The following ATP2C2 variants were observed in gnomAD, a reference collection of about 807,000 sequenced individuals.
The protein encoded by ATP2C2 is ATPase secretory pathway Ca2+ transporting 2.
ATP2C2 carries 171 observed loss-of-function variants against 110.8 expected under a neutral mutation model. That is an observed-to-expected ratio of 1.54 (90% CI 1.36 to 1.75). The LOEUF (loss-of-function observed/expected upper bound fraction) is 1.75, where lower values mean the gene tolerates loss of function less well. Among genes scored for constraint, ATP2C2 ranks in the 40% most tolerant of loss-of-function variants. ATP2C2 has a pLI of 0.00. For missense variants in ATP2C2, 1,963 were observed against 1,235.0 expected (o/e 1.59, Z -8.84); for synonymous variants, 804 against 508.4 (o/e 1.58, Z -7.82).
chr16:84,397,697 G>C (rs1382673183), intron 1 of ATP2C2, among the ~76,000 whole-genome samples: 2 of 102,492 alleles, frequency 2.0e-5, no homozygotes, highest in East Asian at 2.8e-4. Context: ...AGATGCATCA[G>C]TATTAGCCAA....
intron 7 of ATP2C2, among the ~76,000 whole-genome samples, chr16:84,418,279 G>A (rs1907014090): frequency 6.6e-6 from 1 of 152,142 alleles, no homozygotes; most frequent in Non-Finnish European, 1.5e-5. Context: ...CTCCTTGGTG[G>A]CTATGGGTTC....
intron 5 of ATP2C2, 34 bp downstream of exon 5, chr16:84,410,637 C>G (rs375154871): frequency 1.2e-6 from 2 of 1,613,906 alleles, no homozygotes; most frequent in Admixed American, 1.7e-5. Context: ...TCAGGGTAAG[C>G]TGGGCGGGAC....
intron 21 of ATP2C2, among the ~76,000 whole-genome samples, chr16:84,456,255 T>C (rs1470764478): frequency 2.2e-5 from 3 of 133,506 alleles, no homozygotes; most frequent in Non-Finnish European, 4.9e-5. Flanking sequence ...ATCCATCTGG[T>C]CCTGGACTCT....
intron 11 of ATP2C2, among the ~76,000 whole-genome samples, chr16:84,430,855 T>C (rs1047210063): frequency 3.3e-5 from 5 of 151,958 alleles, no homozygotes; most frequent in African/African-American, 9.7e-5. Context: ...AGAGACAGAC[T>C]TCAAACCACT....
intron 1 of ATP2C2, among the ~76,000 whole-genome samples, chr16:84,397,525 A>T (rs1375645364): frequency 6.6e-6 from 1 of 151,468 alleles, no homozygotes; most frequent in Non-Finnish European, 1.5e-5. Context: ...ATATTAAAAA[A>T]TTAGCCAGGC....
chr16:84,384,966 T>C (rs1904300925), intron 1 of ATP2C2, among the ~76,000 whole-genome samples: 1 of 152,216 alleles, frequency 6.6e-6, no homozygotes, highest in African/African-American at 2.4e-5. Flanking sequence ...GGAGTATAGT[T>C]TGAACCCAGG....
Position 84,460,634 on chromosome 16 carries a change from C to T in ATP2C2, c.2334-20C>T, listed in dbSNP as rs967817042. On this transcript the variant is annotated intron_variant, in intron 23 of 26. Transcript: ENST00000262429. ...TCATTCCTGGTTCATTTCAAAGTGT[C>T]TGTGTCTTGTTCGGAGCAGCTTGGG... 6.2e-6 allele frequency: 10 copies of T among 1,614,016 alleles called. No individual in the cohort carries two copies. The highest frequency in any genetic ancestry group is 2.2e-5 in the East Asian group (1 of 44,886).
At chr16:84,442,041 C>T (rs1305967536) in intron 14 of ATP2C2, among the ~76,000 whole-genome samples, 3 of 152,114 alleles carry the variant, frequency 2.0e-5, no homozygotes, top group Non-Finnish European at 2.9e-5. Flanking sequence ...GAAGGAAGAG[C>T]GCTGGGAATC....
chr16:84,388,562 G>C (rs1444667507), intron 1 of ATP2C2, among the ~76,000 whole-genome samples: 1 of 152,162 alleles, frequency 6.6e-6, no homozygotes, highest in Non-Finnish European at 1.5e-5. Flanking sequence ...TGTGCCTTGG[G>C]AGAGAAGGAT....
At chr16:84,430,804 A>G (rs1908207689) in intron 11 of ATP2C2, among the ~76,000 whole-genome samples, 1 of 152,096 alleles carries the variant, frequency 6.6e-6, no homozygotes, top group South Asian at 2.1e-4. Context: ...AGATTGGGAA[A>G]CAGGCTTACA....
intron 6 of ATP2C2, among the ~76,000 whole-genome samples, chr16:84,414,350 A>G (rs563712567): frequency 6.6e-6 from 1 of 152,286 alleles, no homozygotes; most frequent in East Asian, 1.9e-4. Flanking sequence ...TTACCCTGCC[A>G]CCTTGTGCCC....
intron 2 of ATP2C2, 83 bp downstream of exon 2, chr16:84,398,692 T>G: frequency 2.8e-6 from 3 of 1,072,954 alleles, no homozygotes; most frequent in Non-Finnish European, 3.9e-6. Context: ...TGAACAGTGC[T>G]TTGAAATTCT....
chr16:84,401,640 A>T (rs1597767909), intron 2 of ATP2C2, among the ~76,000 whole-genome samples: 2 of 152,132 alleles, frequency 1.3e-5, no homozygotes, highest in Admixed American at 6.5e-5. Context: ...AGTTCACTGT[A>T]GATGTATGGA....
At chr16:84,415,370 G>A (rs1436690224) in intron 6 of ATP2C2, 113 bp from the exon 7 acceptor site, 2 of 846,994 alleles carry the variant, frequency 2.4e-6, no homozygotes, top group East Asian at 4.9e-5. Flanking sequence ...GCACAGGGTT[G>A]GTGTATATTA....
At chr16:84,383,415 T>G (rs1256267076) in intron 1 of ATP2C2, among the ~76,000 whole-genome samples, 30 of 152,136 alleles carry the variant, frequency 2.0e-4, no homozygotes, top group Non-Finnish European at 4.4e-5. Context: ...GGAGTGAAGG[T>G]GCGCGTGATG....
intron 18 of ATP2C2, 114 bp downstream of exon 18, chr16:84,452,205 C>A: frequency 7.7e-7 from 1 of 1,293,554 alleles, no homozygotes; most frequent in East Asian, 2.4e-5. Flanking sequence ...TCACGCCTAG[C>A]CCTACAGGCT....
In ATP2C2 at chr16:84,437,804, C is replaced by T. The variant is rs144598784; in HGVS notation, c.987-1362C>T. 7.0e-3 allele frequency among the ~76,000 whole-genome samples: 1,074 copies of T among 152,366 alleles called. 10 individuals carry two copies. The highest frequency in any genetic ancestry group is 0.025 in the African/African-American group (1,029 of 41,584). ...GTGCTGGGATTACAGGCGTGAGCCA[C>T]CACCCCCTGCCTAGAACATTTTCTT... On this transcript the variant is annotated intron_variant, in intron 11 of 26. Coordinates refer to ENST00000262429, the MANE Select transcript of ATP2C2 (RefSeq NM_014861.4).
chr16:84,406,283 C>T (rs925370554), intron 3 of ATP2C2, among the ~76,000 whole-genome samples: 1 of 152,270 alleles, frequency 6.6e-6, no homozygotes, highest in Non-Finnish European at 1.5e-5. Flanking sequence ...TAGAAGTCGG[C>T]AGTCCCTGCC....
chr16:84,454,456 A>G (rs1292501197), intron 20 of ATP2C2, among the ~76,000 whole-genome samples: 1 of 152,192 alleles, frequency 6.6e-6, no homozygotes, highest in Non-Finnish European at 1.5e-5. Flanking sequence ...AGGTAGTAAT[A>G]CTTACCAGGT....
Sources: allele counts gnomAD v4.1 joint callset (sites outside exome capture counted in the v4.1 genomes callset), GRCh38; gene constraint gnomAD v4.1.1; transcripts MANE v1.5; gene names NCBI Gene and HGNC (gene_info 2026-07-23, HGNC 2026-07-21).